PDE10A: variants seen among roughly 807,000 people sequenced by gnomAD.
PDE10A encodes phosphodiesterase 10A.
PDE10A carries 39 observed loss-of-function variants against 97.7 expected under a neutral mutation model. That is an observed-to-expected ratio of 0.40 (90% CI 0.31 to 0.52). The LOEUF is 0.52. Ranked by LOEUF, PDE10A falls within the 20% of genes least tolerant of loss-of-function variation. PDE10A has a pLI of 0.56. For synonymous variants in PDE10A, 371 were observed against 376.8 expected (o/e 0.98, Z 0.18); for missense variants, 731 against 1,047.8 (o/e 0.70, Z 4.17).
intron 1 of PDE10A, among the ~76,000 whole-genome samples, chr6:165,604,727 G>A (rs557278811): frequency 3.9e-5 from 6 of 152,258 alleles, no homozygotes; most frequent in Middle Eastern, 3.4e-3. Context: ...GGCTGCTTGC[G>A]CTATGTTACT....
chr6:165,702,424 G>A (rs1313534181), intron 1 of PDE10A, among the ~76,000 whole-genome samples: 1 of 152,198 alleles, frequency 6.6e-6, no homozygotes, highest in East Asian at 1.9e-4. Context: ...TTAGGATCAT[G>A]AGCCAGGCAG....
At chr6:165,389,151 G>C (rs1034993238) in intron 16 of PDE10A, among the ~76,000 whole-genome samples, 13 of 152,134 alleles carry the variant, frequency 8.5e-5, no homozygotes, top group Admixed American at 4.6e-4. Flanking sequence ...TGGCCAGTGG[G>C]GTCGAGGGCA....
intron 1 of PDE10A, among the ~76,000 whole-genome samples, chr6:165,842,487 C>A (rs1402550102): frequency 1.3e-5 from 2 of 152,256 alleles, no homozygotes; most frequent in Non-Finnish European, 2.9e-5. Context: ...AGCAGCCCAG[C>A]ACCCACTGAC....
intron 18 of PDE10A, among the ~76,000 whole-genome samples, chr6:165,359,473 T>A (rs1583108785): frequency 6.6e-6 from 1 of 152,342 alleles, no homozygotes; most frequent in East Asian, 1.9e-4. Flanking sequence ...ACCCTGTTTG[T>A]TACGTGTTGT....
chr6:165,329,312 A>C lies in PDE10A; in HGVS notation c.*3713T>G, dbSNP rs1468069471. ...CAATGAAGTCAAATAAAGAACAGAAATCTGATGAGGAGAGAATGGTCCTAT... is the reference window on the plus strand; with the variant it reads ...CAATGAAGTCAAATAAAGAACAGAACTCTGATGAGGAGAGAATGGTCCTAT... On this transcript the variant is annotated 3_prime_UTR_variant, in exon 22 of 22. Transcript: ENST00000539869. 6.6e-6 allele frequency: 1 copy of C among 152,230 alleles called. No individual in the cohort carries two copies. The highest frequency in any genetic ancestry group is 1.5e-5 in the Non-Finnish European group (1 of 68,046). 9.4% of individuals were successfully genotyped at this position (152,230 alleles called of 1,614,324 possible). A position where few individuals can be genotyped will look rare whatever the true frequency, so the allele number is the denominator to read the frequency against.
At chr6:165,987,284 T>TGAGTCTTC (rs974762803) in intron 1 of PDE10A, among the ~76,000 whole-genome samples, 7 of 152,208 alleles carry the variant, frequency 4.6e-5, no homozygotes, top group African/African-American at 1.7e-4. Flanking sequence ...TGCAAACCCT[T>TGAGTCTTC]GAGTCTTCGG....
Position 165,416,287 on chromosome 6 carries a change from T to C in PDE10A, c.1797-6A>G. 1.9e-6 allele frequency: 3 copies of C among 1,576,824 alleles called. No individual in the cohort carries two copies. The highest frequency in any genetic ancestry group is 1.7e-4 in the Middle Eastern group (1 of 5,982). ...TTCCTTTCTCAATTGAAAATCTGCA[T>C]ATGTAAAAGAGAAGGACATGCTAAT... On this transcript the variant is annotated splice_region_variant and splice_polypyrimidine_tract_variant and intron_variant, in intron 11 of 21. Transcript: ENST00000539869.
intron 1 of PDE10A, among the ~76,000 whole-genome samples, chr6:165,611,559 A>G (rs894928906): frequency 1.3e-5 from 2 of 152,240 alleles, no homozygotes; most frequent in Admixed American, 6.5e-5. Flanking sequence ...ATGGAGTGTG[A>G]ATAAGGAATA....
chr6:165,969,548 T>C (rs1426812653), intron 1 of PDE10A, among the ~76,000 whole-genome samples: 4 of 152,298 alleles, frequency 2.6e-5, no homozygotes, highest in South Asian at 4.1e-4. Context: ...GTTTTGACTA[T>C]ATTAGGCTGG....
intron 1 of PDE10A, among the ~76,000 whole-genome samples, chr6:165,977,805 A>C (rs932935700): frequency 1.3e-5 from 2 of 152,256 alleles, no homozygotes; most frequent in African/African-American, 4.8e-5. Context: ...GTTGCATAGC[A>C]GTTTTATTTG....
rs147405988 is a variant in PDE10A at position 165,971,041 on chromosome 6, G to A, written c.-615+16488C>T. On this transcript the variant is annotated intron_variant, in intron 1 of 19. Coordinates refer to the PDE10A transcript ENST00000366882. ...CCTGCACCTGTAATCCCAATTACTCGGAAGGCTGAGGCAGGAGAATCTCTT... is the reference window on the plus strand; with the variant it reads ...CCTGCACCTGTAATCCCAATTACTCAGAAGGCTGAGGCAGGAGAATCTCTT... Among the ~76,000 whole-genome samples, 437 of 152,162 alleles carry A rather than the reference G, an allele frequency of 2.9e-3. 1 individual carries two copies. Among genetic ancestry groups the A allele is most frequent in the African/African-American group, 0.01 (425 of 41,526 alleles).
intron 1 of PDE10A, among the ~76,000 whole-genome samples, chr6:165,545,711 T>C (rs1158848870): frequency 1.3e-5 from 2 of 152,046 alleles, no homozygotes; most frequent in Non-Finnish European, 2.9e-5. Flanking sequence ...AAAAATGAGA[T>C]TCTATTACAC....
intron 1 of PDE10A, among the ~76,000 whole-genome samples, chr6:165,770,163 C>CAAAA (rs11442419): frequency 0.033 from 4,260 of 127,732 alleles, 223 homozygotes; most frequent in African/African-American, 0.095. Flanking sequence ...TGCAAAAGGG[C>CAAAA]AAAAAAAAAA....
chr6:165,949,770 T>C (rs1783894036), intron 1 of PDE10A: 1 of 152,154 alleles, frequency 6.6e-6, no homozygotes, highest in South Asian at 2.1e-4. Flanking sequence ...TATTCTGTCG[T>C]GGTTTATCAT....
At chr6:165,501,287 C>T (rs1583417416) in intron 2 of PDE10A, among the ~76,000 whole-genome samples, 1 of 152,186 alleles carries the variant, frequency 6.6e-6, no homozygotes, top group Non-Finnish European at 1.5e-5. Context: ...GGAGGCCAGG[C>T]GCAGTGGCTC....
chr6:165,740,314 GAA>G (rs1353090470), intron 1 of PDE10A, among the ~76,000 whole-genome samples: 1 of 116,568 alleles, frequency 8.6e-6, no homozygotes, highest in Non-Finnish European at 1.8e-5. Flanking sequence ...TATATGGAGA[GAA>G]AGAGAGAGAG....
At chr6:165,549,211 G>C (rs562428914) in intron 1 of PDE10A, among the ~76,000 whole-genome samples, 1 of 152,254 alleles carries the variant, frequency 6.6e-6, no homozygotes, top group Admixed American at 6.5e-5. Context: ...CAGGAAAATG[G>C]AACTAGATTA....
intron 1 of PDE10A, chr6:165,986,200 C>T: frequency 6.5e-6 from 1 of 152,972 alleles, no homozygotes; most frequent in Non-Finnish European, 1.5e-5. Context: ...GAGGGCTTTG[C>T]GTTTCTTCGA....
intron 1 of PDE10A, among the ~76,000 whole-genome samples, chr6:165,606,994 T>TA (rs563127975): frequency 1.5e-3 from 227 of 152,354 alleles, no homozygotes; most frequent in African/African-American, 5.2e-3. Flanking sequence ...TTTATCCTCA[T>TA]ATACTTATTC....
Sources: allele counts gnomAD v4.1 joint callset (sites outside exome capture counted in the v4.1 genomes callset), GRCh38; gene constraint gnomAD v4.1.1; transcripts MANE v1.5; gene names NCBI Gene and HGNC (gene_info 2026-07-23, HGNC 2026-07-21).